PTBP2: variants seen among roughly 807,000 people sequenced by gnomAD.
PTBP2 encodes polypyrimidine tract-binding protein 2.
PTBP2 carries 13 observed loss-of-function variants against 61.4 expected under a neutral mutation model. The observed-to-expected ratio is 0.21, with a 90% CI of 0.14 to 0.34. The LOEUF (loss-of-function observed/expected upper bound fraction) is 0.34, where lower values mean the gene tolerates loss of function less well. Among genes scored for constraint, PTBP2 ranks in the 10% least tolerant of loss-of-function variants. The pLI is 1.00. For missense variants in PTBP2, 405 were observed against 642.6 expected (o/e 0.63, Z 4.00); for synonymous variants, 215 against 218.5 (o/e 0.98, Z 0.14).
intron 1 of PTBP2, among the ~76,000 whole-genome samples, chr1:96,722,403 G>C (rs570722678): frequency 6.6e-5 from 10 of 152,012 alleles, no homozygotes; most frequent in African/African-American, 2.2e-4. Flanking sequence ...TGCCGGTGGC[G>C]GGAGCTCCGG....
At chr1:96,751,332 A>C in intron 2 of PTBP2, 93 bp from the exon 3 acceptor site, 1 of 978,264 alleles carries the variant, frequency 1.0e-6, no homozygotes. Flanking sequence ...ACTATTCCCA[A>C]TAGTGTAACA....
chr1:96,756,263 G>A (rs1309618681), intron 3 of PTBP2, among the ~76,000 whole-genome samples: 1 of 152,236 alleles, frequency 6.6e-6, no homozygotes, highest in Non-Finnish European at 1.5e-5. Flanking sequence ...GCTAGGCGTG[G>A]TGGTGCATGC....
At chr1:96,805,865 G>T (rs1661452167) in intron 9 of PTBP2, among the ~76,000 whole-genome samples, 1 of 152,020 alleles carries the variant, frequency 6.6e-6, no homozygotes, top group Admixed American at 6.6e-5. Flanking sequence ...AAATTCCTAT[G>T]CATGCTTTCC....
At chr1:96,746,071 C>CAAA (rs34762874) in intron 2 of PTBP2, among the ~76,000 whole-genome samples, 3 of 144,960 alleles carry the variant, frequency 2.1e-5, no homozygotes, top group South Asian at 2.2e-4. Flanking sequence ...ATCTCAAAAA[C>CAAA]AAACAAAAAA....
intron 11 of PTBP2, among the ~76,000 whole-genome samples, chr1:96,807,164 C>T (rs1434894197): frequency 6.6e-6 from 1 of 152,074 alleles, no homozygotes; most frequent in East Asian, 1.9e-4. Flanking sequence ...TTCAAATGCA[C>T]TCATAATAGG....
chr1:96,774,237 T>C (rs1183701817), intron 5 of PTBP2, among the ~76,000 whole-genome samples: 1 of 152,152 alleles, frequency 6.6e-6, no homozygotes, highest in African/African-American at 2.4e-5. Context: ...TTTAGCTCTT[T>C]TGTTAATGAA....
chr1:96,810,699 T>C (rs1661996677), intron 11 of PTBP2, among the ~76,000 whole-genome samples: 1 of 152,356 alleles, frequency 6.6e-6, no homozygotes, highest in East Asian at 1.9e-4. Context: ...AGTCTACTTA[T>C]TTATATCACT....
intron 1 of PTBP2, among the ~76,000 whole-genome samples, chr1:96,722,251 G>A (rs1487367172): frequency 6.6e-6 from 1 of 152,152 alleles, no homozygotes; most frequent in Non-Finnish European, 1.5e-5. Context: ...GGTTAGCGGT[G>A]CCTGTGAGAG....
intron 3 of PTBP2, among the ~76,000 whole-genome samples, chr1:96,767,019 G>A (rs1656808978): frequency 6.6e-6 from 1 of 152,092 alleles, no homozygotes; most frequent in African/African-American, 2.4e-5. Context: ...CATAATGATA[G>A]CAATCTGAGA....
At chr1:96,747,113 A>G (rs1300084413) in intron 2 of PTBP2, among the ~76,000 whole-genome samples, 1 of 151,050 alleles carries the variant, frequency 6.6e-6, no homozygotes, top group East Asian at 1.9e-4. Context: ...CCCAGTGCAT[A>G]TTGTTGCGGA....
rs569101488 is a variant in PTBP2, at chr1:96,807,041, C to T, written c.1171+83C>T. The T allele has an allele frequency of 3.1e-4, 316 of 1,006,752 alleles. 3 individuals are homozygous for T. Among genetic ancestry groups the T allele is most frequent in the African/African-American group, 3.0e-3 (176 of 58,998 alleles). 62.4% of individuals were successfully genotyped at this position (1,006,752 alleles called of 1,614,324 possible). The stretch of plus-strand genomic sequence containing the variant: ...GTGAATGTGCGAATAAAAATAAACT[C>T]CTTTACATCAGTAAGAAATTATTTT... On this transcript the variant is annotated intron_variant, in intron 11 of 13. Transcript: ENST00000674951.
chr1:96,792,796 A>G (rs1659992388), intron 8 of PTBP2, among the ~76,000 whole-genome samples: 1 of 152,150 alleles, frequency 6.6e-6, no homozygotes, highest in South Asian at 2.1e-4. Context: ...GTTAAAATTT[A>G]TGTCAATCTT....
chr1:96,745,154 T>C (rs2089130778), intron 2 of PTBP2, among the ~76,000 whole-genome samples: 1 of 150,798 alleles, frequency 6.6e-6, no homozygotes, highest in African/African-American at 2.4e-5. Context: ...TATTGTATAT[T>C]CCATATGCAG....
At chr1:96,804,302 T>C (rs1247242518) in intron 8 of PTBP2, among the ~76,000 whole-genome samples, 1 of 152,184 alleles carries the variant, frequency 6.6e-6, no homozygotes, top group Non-Finnish European at 1.5e-5. Flanking sequence ...TTCAGAGTGA[T>C]TTGTCTCTAG....
rs1662323637 is a variant in PTBP2, at chr1:96,814,057, TATTA to T, written c.*656_*659del. The T allele has an allele frequency of 6.6e-6, 1 of 152,484 alleles. No homozygotes were observed. The highest frequency in any genetic ancestry group is 1.5e-5 in the Non-Finnish European group (1 of 67,958). 9.4% of individuals were successfully genotyped at this position (152,484 alleles called of 1,614,324 possible). ...TAGTTAAAATTAACAAGATGCAGAG[TATTA>T]ATTTCTTAAGACAACAAAGTGATTT... On this transcript the variant is annotated 3_prime_UTR_variant, in exon 14 of 14. Transcript: ENST00000674951.
chr1:96,768,911 A>G (rs1428963546), intron 3 of PTBP2, among the ~76,000 whole-genome samples: 2 of 151,982 alleles, frequency 1.3e-5, no homozygotes, highest in African/African-American at 2.4e-5. Context: ...CTTTGATCCC[A>G]CCTTCAAGTA....
chr1:96,783,594 A>G (rs1363172081), intron 7 of PTBP2, among the ~76,000 whole-genome samples: 1 of 151,962 alleles, frequency 6.6e-6, no homozygotes, highest in East Asian at 1.9e-4. Flanking sequence ...ATAAGGTATC[A>G]TTTTCTCTTT....
intron 3 of PTBP2, among the ~76,000 whole-genome samples, chr1:96,759,143 T>TA (rs1342783462): frequency 6.6e-6 from 1 of 152,158 alleles, no homozygotes; most frequent in Non-Finnish European, 1.5e-5. Flanking sequence ...TAAAAAGACT[T>TA]ACATGAAGAC....
chr1:96,739,762 C>T (rs567405299), intron 2 of PTBP2, among the ~76,000 whole-genome samples: 5 of 150,946 alleles, frequency 3.3e-5, no homozygotes, highest in African/African-American at 9.7e-5. Flanking sequence ...TACAGGCGCC[C>T]GCCACCACGC....
Sources: gnomAD v4.1 joint callset for allele counts (sites outside exome capture counted in the v4.1 genomes callset) on GRCh38, gnomAD v4.1.1 for gene constraint, MANE v1.5 for transcripts, NCBI Gene and HGNC (gene_info 2026-07-23, HGNC 2026-07-21) for gene names.